MYRFL: variants seen among roughly 807,000 people sequenced by gnomAD.
The protein encoded by MYRFL is myelin regulatory factor like.
Under a neutral mutation model 109.4 loss-of-function variants are expected in MYRFL, and 88 were observed. The observed-to-expected ratio is 0.80, with a 90% confidence interval of 0.68 to 0.96. MYRFL has a LOEUF of 0.96. MYRFL is among the 40% of genes least tolerant of loss of function. MYRFL has a pLI of 0.00. For synonymous variants in MYRFL, 324 were observed against 320.9 expected, an observed-to-expected ratio of 1.01 and a Z score of -0.10; for missense variants, 957 against 954.9, an observed-to-expected ratio of 1.00 and a Z score of -0.03.
intron 16 of MYRFL, among the ~76,000 whole-genome samples, chr12:69,935,533 T>C (rs570766710): frequency 3.3e-5 from 5 of 152,354 alleles, no homozygotes; most frequent in African/African-American, 1.2e-4. Context: ...CTCGTTATTT[T>C]TGAAGTCTCA....
chr12:69,894,929 G>A (rs1792966907), intron 8 of MYRFL, among the ~76,000 whole-genome samples: 1 of 152,254 alleles, frequency 6.6e-6, no homozygotes, highest in Non-Finnish European at 1.5e-5. Flanking sequence ...TCCTTTGGAG[G>A]AAGCTGCCTC....
In MYRFL at chr12:69,893,858, G is replaced by T; in HGVS notation, c.980+18G>T. On this transcript the variant is annotated intron_variant, in intron 8 of 24. Transcript: ENST00000552032. Reference sequence around the variant, plus strand: ...CCTGTTAAGTAAGAATTTATTTTCTGAATTCCTTTGTGAATGTTTTGTGAA... The same window carrying T: ...CCTGTTAAGTAAGAATTTATTTTCTTAATTCCTTTGTGAATGTTTTGTGAA... The T allele has an allele frequency of 7.9e-7, 1 of 1,263,762 alleles. No individual in the cohort carries two copies. The highest frequency in any genetic ancestry group is 2.5e-5 in the South Asian group (1 of 40,786). 78.3% of individuals were successfully genotyped at this position (1,263,762 alleles called of 1,614,324 possible).
chr12:69,899,674 G>T (rs1954119343), intron 10 of MYRFL, among the ~76,000 whole-genome samples: 1 of 152,206 alleles, frequency 6.6e-6, no homozygotes, highest in Admixed American at 6.5e-5. Context: ...AAGGGTGATT[G>T]TATGAGGGTT....
At chr12:69,864,266 A>G (rs1474999057) in intron 2 of MYRFL, among the ~76,000 whole-genome samples, 1 of 149,892 alleles carries the variant, frequency 6.7e-6, no homozygotes, top group African/African-American at 2.4e-5. Flanking sequence ...TTTCCCTTCT[A>G]GAACTCCAAG....
At chr12:69,861,636 T>C (rs1336683466) in intron 2 of MYRFL, among the ~76,000 whole-genome samples, 1 of 152,242 alleles carries the variant, frequency 6.6e-6, no homozygotes, top group Non-Finnish European at 1.5e-5. Context: ...TCATTGTAGA[T>C]TCTGGATATT....
intron 20 of MYRFL, 47 bp downstream of exon 20, chr12:69,952,222 G>A: frequency 6.7e-7 from 1 of 1,488,654 alleles, no homozygotes; most frequent in Middle Eastern, 1.7e-4. Flanking sequence ...TGCGGGGCCA[G>A]GCCAACTAAC....
intron 13 of MYRFL, among the ~76,000 whole-genome samples, chr12:69,919,819 A>G (rs1441266608): frequency 3.3e-5 from 5 of 152,152 alleles, no homozygotes; most frequent in Non-Finnish European, 5.9e-5. Flanking sequence ...TCCATGCAAC[A>G]CCAGATGCAT....
chr12:69,828,986 G>A lies in MYRFL; in HGVS notation c.46+3423G>A, dbSNP rs116280203. Among the ~76,000 whole-genome samples the A allele has an allele frequency of 5.9e-3, 896 of 152,160 alleles. 11 individuals carry two copies. Among genetic ancestry groups the A allele is most frequent in the African/African-American group, 0.021 (854 of 41,506 alleles). ...GGTGCTCAAATGCTTTGTTGGCTTAGCGTTGAAAGCAAAGAGGAGATTCCC... is the reference window on the plus strand; with the variant it reads ...GGTGCTCAAATGCTTTGTTGGCTTAACGTTGAAAGCAAAGAGGAGATTCCC... On this transcript the variant is annotated intron_variant, in intron 1 of 24. Transcript: ENST00000552032.
At chr12:69,953,799 G>A (rs1040581131) in intron 21 of MYRFL, among the ~76,000 whole-genome samples, 1 of 84,940 alleles carries the variant, frequency 1.2e-5, no homozygotes, top group South Asian at 3.6e-4. Context: ...ACACACACAC[G>A]GAATGGGGGA....
chr12:69,895,592 C>A, intron 9 of MYRFL, 111 bp downstream of exon 9: 1 of 721,026 alleles, frequency 1.4e-6, no homozygotes, highest in Non-Finnish European at 2.3e-6. Flanking sequence ...GAACACAGGG[C>A]CTCTAAGCCA....
intron 2 of MYRFL, among the ~76,000 whole-genome samples, chr12:69,875,587 T>G (rs990113857): frequency 6.6e-6 from 1 of 152,202 alleles, no homozygotes; most frequent in Non-Finnish European, 1.5e-5. Flanking sequence ...CATGGCCTGA[T>G]AGGAACCTGG....
At chr12:69,940,326 G>A (rs1472205331) in intron 19 of MYRFL, among the ~76,000 whole-genome samples, 8 of 150,894 alleles carry the variant, frequency 5.3e-5, no homozygotes, top group African/African-American at 1.2e-4. Context: ...CCCTCAAAGG[G>A]AAGCCCATCA....
At chr12:69,932,862 C>CATGTGT in intron 16 of MYRFL, among the ~76,000 whole-genome samples, 1 of 149,460 alleles carries the variant, frequency 6.7e-6, no homozygotes, top group South Asian at 2.1e-4. Context: ...CTGTGCCTTT[C>CATGTGT]GTGTGTGTGT....
chr12:69,854,727 C>T (rs1248998893), intron 1 of MYRFL, among the ~76,000 whole-genome samples: 2 of 152,104 alleles, frequency 1.3e-5, no homozygotes, highest in East Asian at 3.9e-4. Flanking sequence ...TTTAGGAGTA[C>T]AAGGACAGAC....
chr12:69,895,586 A>C, intron 9 of MYRFL, 105 bp downstream of exon 9: 1 of 798,508 alleles, frequency 1.3e-6, no homozygotes, highest in Non-Finnish European at 2.0e-6. Context: ...CAGCCAGAAC[A>C]CAGGGCCTCT....
intron 2 of MYRFL, among the ~76,000 whole-genome samples, chr12:69,871,914 T>C (rs1433274050): frequency 6.6e-6 from 1 of 152,266 alleles, no homozygotes; most frequent in Non-Finnish European, 1.5e-5. Flanking sequence ...AATCCATGTA[T>C]GTCTTTAGTG....
chr12:69,854,408 G>T (rs1456575271), intron 1 of MYRFL, among the ~76,000 whole-genome samples: 1 of 151,890 alleles, frequency 6.6e-6, no homozygotes, highest in African/African-American at 2.4e-5. Context: ...TTTTGAGATG[G>T]AGACTCACTC....
chr12:69,859,047 T>C (rs983112314), intron 2 of MYRFL, among the ~76,000 whole-genome samples: 1 of 151,900 alleles, frequency 6.6e-6, no homozygotes, highest in Non-Finnish European at 1.5e-5. Flanking sequence ...ATATATATAT[T>C]TTTTTCAGTT....
chr12:69,868,604 C>T (rs11177917), intron 2 of MYRFL, among the ~76,000 whole-genome samples: 3,468 of 152,242 alleles, frequency 0.023, 68 homozygotes, highest in East Asian at 0.062. Context: ...TTGCAGTCTG[C>T]CAGCACAGAG....
Sources: gnomAD v4.1 joint callset for allele counts (sites outside exome capture counted in the v4.1 genomes callset) on GRCh38, gnomAD v4.1.1 for gene constraint, MANE v1.5 for transcripts, NCBI Gene and HGNC (gene_info 2026-07-23, HGNC 2026-07-21) for gene names.